SGMS2: variants seen among roughly 807,000 people sequenced by gnomAD.
The protein encoded by SGMS2 is phosphatidylcholine:ceramide cholinephosphotransferase 2.
A neutral mutation model predicts 43.8 loss-of-function variants in SGMS2; 21 were observed. The observed-to-expected ratio is 0.48, with a 90% CI of 0.34 to 0.69. The LOEUF is 0.69. Ranked by LOEUF, SGMS2 falls within the 30% of genes least tolerant of loss-of-function variation. The pLI is 0.01. For missense variants in SGMS2, 384 were observed against 443.2 expected (o/e 0.87, Z 1.20); for synonymous variants, 167 against 160.6 (o/e 1.04, Z -0.30).
chr4:107,827,872 G>A (rs1267053820), intron 1 of SGMS2, among the ~76,000 whole-genome samples: 1 of 152,170 alleles, frequency 6.6e-6, no homozygotes, highest in Non-Finnish European at 1.5e-5. Context: ...TGTAGTCCCA[G>A]ATACTCGGGA....
chr4:107,878,431 T>C lies in SGMS2; in HGVS notation c.-244-16879T>C, dbSNP rs1311199522. The stretch of plus-strand genomic sequence containing the variant: ...ACACCTTAACTTTGAGAACCTCTCA[T>C]CTAGGGTATATTTGAATGGAAATGT... On this transcript the variant is annotated intron_variant, in intron 2 of 6. Coordinates refer to ENST00000690982, the MANE Select transcript of SGMS2 (RefSeq NM_001375905.1). Among the ~76,000 whole-genome samples the C allele has an allele frequency of 2.0e-5, 3 of 152,200 alleles. No homozygotes were observed. The East Asian group carries it at 5.8e-4, about 29-fold the overall frequency.
At chr4:107,896,235 G>A (rs1481172233) in intron 3 of SGMS2, among the ~76,000 whole-genome samples, 3 of 152,206 alleles carry the variant, frequency 2.0e-5, no homozygotes, top group Non-Finnish European at 2.9e-5. Flanking sequence ...CAGCAGTACT[G>A]TGGTGGATGA....
intron 5 of SGMS2, among the ~76,000 whole-genome samples, chr4:107,904,582 T>C (rs1731392257): frequency 1.3e-5 from 2 of 152,202 alleles, no homozygotes; most frequent in Admixed American, 1.3e-4. Flanking sequence ...TGTTGCTTCC[T>C]TTGTAAATTC....
chr4:107,859,499 C>T (rs1727610467), intron 2 of SGMS2, among the ~76,000 whole-genome samples: 1 of 152,136 alleles, frequency 6.6e-6, no homozygotes. Context: ...CTAAGAATGG[C>T]AGCTATTTCT....
chr4:107,913,038 A>G lies in SGMS2; in HGVS notation c.*2485A>G, dbSNP rs1560682813. Reference sequence around the variant, plus strand: ...CACTTTGATATAAAACAAGTATGATATATATATAAACTGAAGATATAAAAC... The same window carrying G: ...CACTTTGATATAAAACAAGTATGATGTATATATAAACTGAAGATATAAAAC... On this transcript the variant is annotated 3_prime_UTR_variant, in exon 7 of 7. Coordinates refer to ENST00000690982, the MANE Select transcript of SGMS2 (RefSeq NM_001375905.1). The G allele has an allele frequency of 6.6e-6, 1 of 152,198 alleles. No homozygotes were observed. The highest frequency in any genetic ancestry group is 1.5e-5 in the Non-Finnish European group (1 of 68,028). 9.4% of individuals were successfully genotyped at this position (152,198 alleles called of 1,614,324 possible). A position where few individuals can be genotyped will look rare whatever the true frequency, so the allele number is the denominator to read the frequency against.
chr4:107,880,746 C>T (rs1033812972), intron 2 of SGMS2, among the ~76,000 whole-genome samples: 8 of 151,154 alleles, frequency 5.3e-5, no homozygotes, highest in Admixed American at 5.3e-4. Flanking sequence ...CCCAGCTACA[C>T]AGGAGGCTGA....
chr4:107,884,298 T>C (rs1340259939), intron 2 of SGMS2, among the ~76,000 whole-genome samples: 2 of 152,180 alleles, frequency 1.3e-5, no homozygotes, highest in African/African-American at 4.8e-5. Context: ...AGGATTATTT[T>C]GTTTGTTGTT....
At chr4:107,863,903 A>T (rs1727929983) in intron 2 of SGMS2, 1 of 152,236 alleles carries the variant, frequency 6.6e-6, no homozygotes, top group Non-Finnish European at 1.5e-5. Flanking sequence ...GGAAAGGGTA[A>T]GATAATTCTG....
intron 1 of SGMS2, among the ~76,000 whole-genome samples, chr4:107,852,718 G>C (rs1006516865): frequency 6.7e-6 from 1 of 149,586 alleles, no homozygotes; most frequent in Non-Finnish European, 1.5e-5. Context: ...TTTTTAACAT[G>C]TCTCTTATTA....
At chr4:107,861,614 G>T (rs909894681) in intron 2 of SGMS2, among the ~76,000 whole-genome samples, 5 of 152,120 alleles carry the variant, frequency 3.3e-5, no homozygotes, top group African/African-American at 1.2e-4. Context: ...ATCTGTTATG[G>T]ACTTTGGTGG....
chr4:107,844,496 A>G (rs973813050), intron 1 of SGMS2, among the ~76,000 whole-genome samples: 4 of 152,054 alleles, frequency 2.6e-5, no homozygotes. Flanking sequence ...GAGCCCAGGA[A>G]TTTGAGACCA....
chr4:107,869,203 A>C (rs1312951241), intron 2 of SGMS2, among the ~76,000 whole-genome samples: 1 of 152,166 alleles, frequency 6.6e-6, no homozygotes, highest in Non-Finnish European at 1.5e-5. Context: ...GCTGTATTTG[A>C]AAGTTCATTT....
At chr4:107,847,275 C>T (rs1185452010) in intron 1 of SGMS2, among the ~76,000 whole-genome samples, 7 of 152,058 alleles carry the variant, frequency 4.6e-5, no homozygotes, top group African/African-American at 9.6e-5. Flanking sequence ...TAATCCATCT[C>T]GAATTGATTT....
chr4:107,829,520 A>G (rs1725769960), intron 1 of SGMS2, among the ~76,000 whole-genome samples: 1 of 152,212 alleles, frequency 6.6e-6, no homozygotes, highest in African/African-American at 2.4e-5. Flanking sequence ...AATAGAATTA[A>G]AGTCAAATCA....
chr4:107,842,107 T>G (rs1287623084), intron 1 of SGMS2, among the ~76,000 whole-genome samples: 3 of 152,148 alleles, frequency 2.0e-5, no homozygotes, highest in Admixed American at 6.5e-5. Flanking sequence ...TGAAATTAGG[T>G]AAGAAAGCTG....
chr4:107,828,498 T>A (rs2125982219), intron 1 of SGMS2, among the ~76,000 whole-genome samples: 1 of 152,360 alleles, frequency 6.6e-6, no homozygotes, highest in African/African-American at 2.4e-5. Context: ...CAACTGTATG[T>A]CACTAACATA....
intron 2 of SGMS2, among the ~76,000 whole-genome samples, chr4:107,876,914 T>G (rs1728951396): frequency 6.6e-6 from 1 of 152,160 alleles, no homozygotes; most frequent in Non-Finnish European, 1.5e-5. Context: ...ACTACTAGAC[T>G]CAGGTTTTGC....
In SGMS2 at chr4:107,903,272, C is replaced by T. The variant is rs773035772; in HGVS notation, c.613C>T (p.Arg205Ter). Residue 205 changes from arginine to a stop codon, truncating the protein, a stop_gained, in exon 5 of 7, where the codon CGA becomes TGA. Transcript: ENST00000690982. LOFTEE classifies it high-confidence loss of function. ...DSQAKVQRILRLISGGGLSIT... is the reference protein window; with the variant it reads ...DSQAKVQRIL The stretch of plus-strand genomic sequence containing the variant: ...TCAGGCAAAAGTTCAACGGATTCTA[C>T]GATTGATTTCTGGTGGTGGATTGTC... The T allele has an allele frequency of 1.5e-5, 25 of 1,614,002 alleles. No homozygotes were observed. Among genetic ancestry groups the T allele is most frequent in the Non-Finnish European group, 2.0e-5 (24 of 1,179,926 alleles).
intron 2 of SGMS2, among the ~76,000 whole-genome samples, chr4:107,887,227 G>A (rs1467237938): frequency 1.3e-5 from 2 of 152,206 alleles, no homozygotes; most frequent in Non-Finnish European, 2.9e-5. Flanking sequence ...GCATTCAGGA[G>A]CACCTGTAAG....
Sources: allele counts gnomAD v4.1 joint callset (sites outside exome capture counted in the v4.1 genomes callset), GRCh38; gene constraint gnomAD v4.1.1; transcripts MANE v1.5; gene names NCBI Gene and HGNC (gene_info 2026-07-23, HGNC 2026-07-21).